The following RASAL2 variants were observed in gnomAD, a reference collection of about 807,000 sequenced individuals.
The protein encoded by RASAL2 is RAS protein activator like 2, also known as ras GTPase-activating protein nGAP.
A neutral mutation model predicts 128.9 loss-of-function variants in RASAL2; 58 were observed. The ratio of observed to expected loss-of-function variants is 0.45; its 90% CI spans 0.36 to 0.56. The LOEUF (loss-of-function observed/expected upper bound fraction) is 0.56, where lower values mean the gene tolerates loss of function less well. Among genes scored for constraint, RASAL2 ranks in the 20% least tolerant of loss-of-function variants. The pLI is 0.00. For synonymous variants in RASAL2, 561 were observed against 580.8 expected, an observed-to-expected ratio of 0.97 and a Z score of 0.49; for missense variants, 1,360 against 1,601.6, an observed-to-expected ratio of 0.85 and a Z score of 2.57.
At position 178,454,670 on chromosome 1, in the gene RASAL2, T is replaced by C. The variant is rs200788959; in HGVS notation, c.2211+22T>C. ...TAAGGTAAAGTAGGTTGGTGGAAGA[T>C]AGAGAACTTTAATGTACCTGAATTC... is the stretch of plus-strand genomic sequence containing the variant. On this transcript the variant is annotated intron_variant, in intron 12 of 17. Coordinates refer to ENST00000367649, the MANE Select transcript of RASAL2 (RefSeq NM_170692.4). The C allele has an allele frequency of 1.2e-3, 1,890 of 1,600,030 alleles. 3 individuals are homozygous for C. The highest frequency in any genetic ancestry group is 1.5e-3 in the Non-Finnish European group (1,746 of 1,168,054).
intron 1 of RASAL2, among the ~76,000 whole-genome samples, chr1:178,096,612 T>C (rs1658696986): frequency 6.6e-6 from 1 of 152,012 alleles, no homozygotes; most frequent in South Asian, 2.1e-4. Flanking sequence ...CGTGGTTCAA[T>C]TGATGTCAAG....
intron 4 of RASAL2, chr1:178,411,857 C>T: frequency 1.3e-6 from 1 of 743,976 alleles, no homozygotes; most frequent in South Asian, 1.4e-5. Flanking sequence ...CTCTGGGCCA[C>T]AGGAGGAAAT....
intron 2 of RASAL2, among the ~76,000 whole-genome samples, chr1:178,285,281 C>T (rs961027014): frequency 6.6e-6 from 1 of 150,988 alleles, no homozygotes; most frequent in Non-Finnish European, 1.5e-5. Flanking sequence ...CCACCGCGCC[C>T]GGCTAATTTT....
intron 5 of RASAL2, among the ~76,000 whole-genome samples, chr1:178,435,660 TTGTC>T (rs1676207337): frequency 6.6e-6 from 1 of 152,124 alleles, no homozygotes; most frequent in African/African-American, 2.4e-5. Context: ...GAAATCAAGA[TTGTC>T]TGCTGACCTT....
intron 1 of RASAL2, among the ~76,000 whole-genome samples, chr1:178,182,488 AT>A (rs1662148635): frequency 1.3e-5 from 2 of 152,176 alleles, no homozygotes; most frequent in South Asian, 4.1e-4. Flanking sequence ...AAGAAATTAA[AT>A]GTGTTTATAC....
chr1:178,293,114 T>G (rs986542789), intron 2 of RASAL2, among the ~76,000 whole-genome samples: 1 of 152,200 alleles, frequency 6.6e-6, no homozygotes, highest in African/African-American at 2.4e-5. Flanking sequence ...TAATATGCCC[T>G]TATATGTTAT....
intron 1 of RASAL2, among the ~76,000 whole-genome samples, chr1:178,281,012 C>T (rs151172666): frequency 8.0e-4 from 122 of 151,992 alleles, no homozygotes; most frequent in African/African-American, 2.4e-3. Context: ...TATAACATAA[C>T]CTATATAAGT....
chr1:178,108,598 C>T (rs925210530), intron 1 of RASAL2, among the ~76,000 whole-genome samples: 5 of 152,210 alleles, frequency 3.3e-5, no homozygotes, highest in African/African-American at 4.8e-5. Context: ...GTGGCTGATG[C>T]GGGATTTGAA....
intron 2 of RASAL2, among the ~76,000 whole-genome samples, chr1:178,286,367 CCT>C (rs914285197): frequency 3.9e-4 from 60 of 152,226 alleles, no homozygotes; most frequent in African/African-American, 1.3e-3. Flanking sequence ...TCTATTCTCC[CCT>C]GTTTTCCCTA....
chr1:178,448,535 G>T (rs1170326022), intron 9 of RASAL2, among the ~76,000 whole-genome samples: 2 of 151,886 alleles, frequency 1.3e-5, no homozygotes, highest in Non-Finnish European at 2.9e-5. Flanking sequence ...ATTAAGAATG[G>T]TACAAAGAGC....
intron 13 of RASAL2, 25 bp downstream of exon 13, chr1:178,456,924 T>C (rs1328785056): frequency 3.8e-6 from 6 of 1,595,154 alleles, no homozygotes; most frequent in Non-Finnish European, 5.1e-6. Flanking sequence ...ATTTGACCAC[T>C]ATCTCGGAGA....
intron 1 of RASAL2, among the ~76,000 whole-genome samples, chr1:178,265,893 A>G (rs1334564685): frequency 6.6e-6 from 1 of 152,170 alleles, no homozygotes; most frequent in African/African-American, 2.4e-5. Context: ...TTTTTGCTCA[A>G]CGTTATATTT....
At chr1:178,414,081 CCA>C (rs1674590988) in intron 4 of RASAL2, among the ~76,000 whole-genome samples, 2 of 152,186 alleles carry the variant, frequency 1.3e-5, no homozygotes, top group South Asian at 2.1e-4. Context: ...ATGATTCCAA[CCA>C]CAGATGCTCC....
At chr1:178,191,332 A>G (rs1662487949) in intron 1 of RASAL2, among the ~76,000 whole-genome samples, 1 of 151,330 alleles carries the variant, frequency 6.6e-6, no homozygotes, top group South Asian at 2.1e-4. Context: ...TAAATATAAT[A>G]TAAATGAATA....
intron 1 of RASAL2, among the ~76,000 whole-genome samples, chr1:178,191,642 A>G (rs544851011): frequency 7.2e-5 from 11 of 152,300 alleles, no homozygotes; most frequent in Middle Eastern, 3.4e-3. Context: ...CTTGTCTTCA[A>G]AGCTTTCCTT....
intron 3 of RASAL2, among the ~76,000 whole-genome samples, chr1:178,385,012 A>G (rs893828641): frequency 6.6e-6 from 1 of 152,236 alleles, no homozygotes; most frequent in Admixed American, 6.5e-5. Flanking sequence ...GACATTGTGT[A>G]GCAGATACCT....
At chr1:178,189,462 A>G (rs1305707298) in intron 1 of RASAL2, among the ~76,000 whole-genome samples, 1 of 152,220 alleles carries the variant, frequency 6.6e-6, no homozygotes, top group Non-Finnish European at 1.5e-5. Context: ...ACTTTTCTGT[A>G]GAACCAAAAA....
chr1:178,126,702 GT>G (rs2102289909), intron 1 of RASAL2, among the ~76,000 whole-genome samples: 1 of 152,308 alleles, frequency 6.6e-6, no homozygotes, highest in African/African-American at 2.4e-5. Flanking sequence ...TTGCATTACT[GT>G]TTGGAAGTTG....
intron 1 of RASAL2, among the ~76,000 whole-genome samples, chr1:178,119,275 G>A (rs1235681142): frequency 2.0e-5 from 3 of 152,116 alleles, no homozygotes; most frequent in African/African-American, 7.2e-5. Flanking sequence ...CAAAAACTCT[G>A]GCCAGGGATC....
Sources: allele counts gnomAD v4.1 joint callset (sites outside exome capture counted in the v4.1 genomes callset), GRCh38; gene constraint gnomAD v4.1.1; transcripts MANE v1.5; gene names NCBI Gene and HGNC (gene_info 2026-07-23, HGNC 2026-07-21).